TSHR: variants seen among roughly 807,000 people sequenced by gnomAD.
The protein encoded by TSHR is thyroid stimulating hormone receptor.
TSHR carries 51 observed loss-of-function variants against 64.1 expected under a neutral mutation model. The observed-to-expected ratio is 0.80, with a 90% confidence interval of 0.64 to 1.01. The LOEUF (loss-of-function observed/expected upper bound fraction) is 1.01. Ranked by LOEUF, TSHR falls within the 50% of genes least tolerant of loss-of-function variation. The pLI is 0.00. For synonymous variants in TSHR, 361 were observed against 361.9 expected (o/e 1.00, Z 0.03); for missense variants, 877 against 942.8 (o/e 0.93, Z 0.91).
At chr14:81,089,629 G>C (rs758074477) in intron 4 of TSHR, among the ~76,000 whole-genome samples, 8 of 152,144 alleles carry the variant, frequency 5.3e-5, no homozygotes, top group Non-Finnish European at 1.0e-4. Flanking sequence ...CAGGTAATTA[G>C]AGAAGACATC....
At chr14:81,022,124 G>T in intron 1 of TSHR, among the ~76,000 whole-genome samples, 1 of 80,964 alleles carries the variant, frequency 1.2e-5, no homozygotes, top group Non-Finnish European at 2.6e-5. Flanking sequence ...AAAAAAAAAA[G>T]CCAGGCGTGG....
At chr14:81,066,970 T>A (rs1886660787) in intron 2 of TSHR, among the ~76,000 whole-genome samples, 1 of 152,206 alleles carries the variant, frequency 6.6e-6, no homozygotes. Context: ...TTTGAAATAT[T>A]CCTTATATGT....
chr14:81,131,918 T>G (rs1253184911), intron 8 of TSHR, among the ~76,000 whole-genome samples: 2 of 151,296 alleles, frequency 1.3e-5, no homozygotes, highest in Non-Finnish European at 2.9e-5. Context: ...TCTGCCTGTT[T>G]AGTTTACTAT....
intron 1 of TSHR, among the ~76,000 whole-genome samples, chr14:81,019,181 A>C (rs1315565790): frequency 1.3e-5 from 2 of 152,104 alleles, no homozygotes; most frequent in South Asian, 2.1e-4. Context: ...TAAAAATACA[A>C]AAATCAGCTG....
intron 8 of TSHR, among the ~76,000 whole-genome samples, chr14:81,131,181 T>C (rs1482030107): frequency 2.0e-5 from 3 of 152,126 alleles, no homozygotes; most frequent in Non-Finnish European, 4.4e-5. Flanking sequence ...ACTAGAAATC[T>C]TGGAGTCATT....
At position 81,144,116 on chromosome 14, in the gene TSHR, G is replaced by T; in HGVS notation, c.2058G>T (p.Gln686His). The T allele has an allele frequency of 6.2e-7, 1 of 1,614,166 alleles. No homozygotes were observed. Among genetic ancestry groups the T allele is most frequent in the Non-Finnish European group, 8.5e-7 (1 of 1,180,042 alleles). Reference sequence around the variant, plus strand: ...ATGCTATTTTCACCAAGGCCTTCCAGAGGGATGTGTTCATCCTACTCAGCA... The same window carrying T: ...ATGCTATTTTCACCAAGGCCTTCCATAGGGATGTGTTCATCCTACTCAGCA... ...FLYAIFTKAFQRDVFILLSKF... is the reference protein window; with the variant it reads ...FLYAIFTKAFHRDVFILLSKF... The change falls in exon 10 of 10, where the codon CAG becomes CAT. Residue 686 changes from glutamine to histidine, a missense_variant. Gln to His is a conservative substitution (Grantham distance 24). Transcript: ENST00000298171.
chr14:81,113,415 T>C (rs1284426675), intron 8 of TSHR, among the ~76,000 whole-genome samples: 1 of 152,152 alleles, frequency 6.6e-6, no homozygotes, highest in Non-Finnish European at 1.5e-5. Context: ...GGCAGTGATA[T>C]ATGTGGGTTC....
At chr14:81,081,436 G>C (rs141863310) in intron 3 of TSHR, among the ~76,000 whole-genome samples, 16 of 152,028 alleles carry the variant, frequency 1.1e-4, no homozygotes, top group African/African-American at 3.6e-4. Flanking sequence ...CAGAGCTTCC[G>C]CCCCCTCCCT....
At chr14:81,030,499 TC>T (rs1176702078) in intron 1 of TSHR, among the ~76,000 whole-genome samples, 1 of 152,200 alleles carries the variant, frequency 6.6e-6, no homozygotes, top group African/African-American at 2.4e-5. Context: ...TAAGTATTAA[TC>T]TTTTTTTCTC....
chr14:80,971,125 GA>G (rs1887570404), intron 1 of TSHR, among the ~76,000 whole-genome samples: 1 of 152,156 alleles, frequency 6.6e-6, no homozygotes, highest in African/African-American at 2.4e-5. Context: ...TACCTGGCCA[GA>G]AGGGATTTTT....
At chr14:80,963,107 T>C (rs1386482003) in intron 1 of TSHR, among the ~76,000 whole-genome samples, 1 of 152,208 alleles carries the variant, frequency 6.6e-6, no homozygotes, top group Non-Finnish European at 1.5e-5. Context: ...ACCAATCTAT[T>C]AGATATCCCA....
chr14:81,108,660 A>G, intron 8 of TSHR: 1 of 1,614,074 alleles, frequency 6.2e-7, no homozygotes, highest in South Asian at 1.1e-5. Flanking sequence ...AGAAGGCCCC[A>G]CGCTCCAGTA....
In TSHR at chr14:81,143,446, T is replaced by G; in HGVS notation, c.1388T>G (p.Met463Arg). The change falls in exon 10 of 10, where the codon ATG becomes AGG. Residue 463 changes from methionine to arginine, a missense_variant. Coordinates refer to ENST00000298171, the MANE Select transcript of TSHR (RefSeq NM_000369.5). The part of the protein sequence containing the change: ...MCNLAFADFC[M>R]GMYLLLIASV... ...AACCTGGCCTTTGCGGATTTCTGCA[T>G]GGGGATGTACCTGCTCCTCATCGCC... 1 of 1,614,200 alleles carries G rather than the reference T, an allele frequency of 6.2e-7. No individual in the cohort carries two copies. Among genetic ancestry groups the G allele is most frequent in the Non-Finnish European group, 8.5e-7 (1 of 1,180,040 alleles).
chr14:81,023,218 C>CA (rs1883865556), intron 1 of TSHR, among the ~76,000 whole-genome samples: 2 of 152,114 alleles, frequency 1.3e-5, no homozygotes, highest in Admixed American at 6.5e-5. Context: ...ACTGCTTGAT[C>CA]TGGGACATCA....
chr14:81,021,489 G>A (rs527686864), intron 1 of TSHR, among the ~76,000 whole-genome samples: 3 of 152,290 alleles, frequency 2.0e-5, no homozygotes, highest in East Asian at 3.9e-4. Context: ...AGGGAGAAAG[G>A]AAAGGCATAA....
rs1891600922 is a variant in TSHR, at chr14:81,139,701, A to C, written c.715A>C (p.Thr239Pro). 3.1e-6 allele frequency: 5 copies of C among 1,614,162 alleles called. No individual in the cohort carries two copies. Among genetic ancestry groups the C allele is most frequent in the Non-Finnish European group, 4.2e-6 (5 of 1,180,032 alleles). ...CAGGGACGTGTCTCAAACCAGTGTCACTGCCCTTCCATCCAAAGGCCTGGA... is the reference window on the plus strand; with the variant it reads ...CAGGGACGTGTCTCAAACCAGTGTCCCTGCCCTTCCATCCAAAGGCCTGGA... ...SLLDVSQTSV[T>P]ALPSKGLEHL... The change falls in exon 9 of 10, where the codon ACT becomes CCT. Residue 239 changes from threonine to proline, a missense_variant. By Grantham distance (38) the Thr-to-Pro change is conservative (BLOSUM62 -1). Coordinates refer to ENST00000298171, the MANE Select transcript of TSHR (RefSeq NM_000369.5).
intron 8 of TSHR, among the ~76,000 whole-genome samples, chr14:81,111,107 A>T (rs1890206945): frequency 6.6e-6 from 1 of 152,194 alleles, no homozygotes; most frequent in African/African-American, 2.4e-5. Flanking sequence ...TTTACTTATT[A>T]ATATGTGAGA....
At chr14:81,131,915 G>T (rs1891265191) in intron 8 of TSHR, among the ~76,000 whole-genome samples, 1 of 151,462 alleles carries the variant, frequency 6.6e-6, no homozygotes, top group South Asian at 2.1e-4. Flanking sequence ...ATTTCTGCCT[G>T]TTTAGTTTAC....
At chr14:80,957,244 T>G (rs1372772684) in intron 1 of TSHR, among the ~76,000 whole-genome samples, 1 of 152,046 alleles carries the variant, frequency 6.6e-6, no homozygotes, top group African/African-American at 2.4e-5. Context: ...GCAGGAAGCT[T>G]CTCCTGACCC....
Sources: allele counts gnomAD v4.1 joint callset (sites outside exome capture counted in the v4.1 genomes callset), GRCh38; gene constraint gnomAD v4.1.1; transcripts MANE v1.5; gene names NCBI Gene and HGNC (gene_info 2026-07-23, HGNC 2026-07-21).